Variants in ADGRA1 observed in about 807,000 individuals in gnomAD.
ADGRA1 encodes the protein adhesion G protein-coupled receptor A1, also known as G-protein coupled receptor 123.
Under a neutral mutation model 21.3 loss-of-function variants are expected in ADGRA1, and 12 were observed. That is an observed-to-expected ratio of 0.56 (90% CI 0.36 to 0.91). The LOEUF (loss-of-function observed/expected upper bound fraction) is 0.91, where lower values mean the gene tolerates loss of function less well. Ranked by LOEUF, ADGRA1 falls within the 40% of genes least tolerant of loss-of-function variation. The pLI is 0.01. For synonymous variants in ADGRA1, 385 were observed against 368.8 expected (o/e 1.04, Z -0.50); for missense variants, 790 against 805.6 (o/e 0.98, Z 0.23).
chr10:133,121,820 T>C (rs1359502869), intron 5 of ADGRA1, among the ~76,000 whole-genome samples: 3 of 148,098 alleles, frequency 2.0e-5, no homozygotes, highest in Non-Finnish European at 4.5e-5. Flanking sequence ...CTTGTGTGTG[T>C]GCATGCCTGT....
chr10:133,098,941 C>T (rs1393046281), intron 4 of ADGRA1, among the ~76,000 whole-genome samples, 178 bp downstream of exon 4: 3 of 152,272 alleles, frequency 2.0e-5, no homozygotes, highest in Admixed American at 6.5e-5. Context: ...CGTTTGACCC[C>T]AGGGTTGATT....
At chr10:133,102,015 C>T (rs998212801) in intron 4 of ADGRA1, among the ~76,000 whole-genome samples, 2 of 152,248 alleles carry the variant, frequency 1.3e-5, no homozygotes, top group African/African-American at 4.8e-5. Flanking sequence ...CATTTATGTC[C>T]TTTCCAATTA....
At chr10:133,123,182 C>T (rs554337276) in intron 5 of ADGRA1, among the ~76,000 whole-genome samples, 2 of 152,114 alleles carry the variant, frequency 1.3e-5, no homozygotes, top group South Asian at 2.1e-4. Flanking sequence ...TGGCAGGGGC[C>T]CCGCGAGTCC....
chr10:133,127,861 A>AC (rs1852409548), intron 6 of ADGRA1, among the ~76,000 whole-genome samples: 1 of 104,044 alleles, frequency 9.6e-6, no homozygotes, highest in African/African-American at 3.9e-5. Context: ...GGCCCCGCCC[A>AC]CCCAGCTCCA....
intron 2 of ADGRA1, chr10:133,095,703 G>C: frequency 6.3e-7 from 1 of 1,597,946 alleles, no homozygotes; most frequent in Non-Finnish European, 8.5e-7. Flanking sequence ...CCTCGTCTTG[G>C]CTGGACGGAC....
chr10:133,092,535 C>T (rs1337595077), intron 2 of ADGRA1, among the ~76,000 whole-genome samples: 1 of 152,152 alleles, frequency 6.6e-6, no homozygotes, highest in East Asian at 1.9e-4. Context: ...CCTCTACCTT[C>T]CACCTTTCCC....
At chr10:133,116,819 C>G (rs1274424872) in intron 5 of ADGRA1, among the ~76,000 whole-genome samples, 2 of 152,116 alleles carry the variant, frequency 1.3e-5, no homozygotes, top group Admixed American at 1.3e-4. Context: ...CCGAGTCAGG[C>G]AAGGGGTGGG....
chr10:133,111,660 A>T (rs376577652), intron 5 of ADGRA1, among the ~76,000 whole-genome samples: 26 of 6,742 alleles, frequency 3.9e-3, no homozygotes, highest in Non-Finnish European at 3.7e-3. Context: ...TCCTAATCCC[A>T]CCAGACAACC....
rs552224810 is a variant in ADGRA1 at position 133,099,396 on chromosome 10, G to A, written c.255+633G>A. 1.1e-4 allele frequency among the ~76,000 whole-genome samples: 17 copies of A among 152,290 alleles called. No individual in the cohort carries two copies. In the South Asian group the frequency reaches 2.3e-3, roughly 20 times the overall value. Reference sequence around the variant, plus strand: ...CCTGAGTCACCAGGAGGGCAAGCTCGTCCTTTGCACAGACCCCCCAACCCC... The same window carrying A: ...CCTGAGTCACCAGGAGGGCAAGCTCATCCTTTGCACAGACCCCCCAACCCC... On this transcript the variant is annotated intron_variant, in intron 4 of 6. Coordinates refer to ENST00000392607, the MANE Select transcript of ADGRA1 (RefSeq NM_001083909.3).
intron 2 of ADGRA1, among the ~76,000 whole-genome samples, chr10:133,095,423 C>T (rs563842004): frequency 1.7e-4 from 26 of 152,194 alleles, no homozygotes; most frequent in Non-Finnish European, 3.7e-4. Context: ...AAGAAATGGG[C>T]AGATTCTAAA....
chr10:133,104,887 CTG>C (rs1419497431), intron 5 of ADGRA1, among the ~76,000 whole-genome samples: 1 of 152,148 alleles, frequency 6.6e-6, no homozygotes, highest in Non-Finnish European at 1.5e-5. Context: ...TGCTGGGAGA[CTG>C]GGCTGCACCT....
Position 133,088,100 on chromosome 10 carries a change from G to T in ADGRA1, c.-241G>T. The stretch of plus-strand genomic sequence containing the variant: ...GCGCAGCGCGTCTGTCTCCGGGAGC[G>T]CGGCCCGGCCGCCCCGGCAGCCGCT... On this transcript the variant is annotated 5_prime_UTR_variant, in exon 1 of 7. Coordinates refer to ENST00000392607, the MANE Select transcript of ADGRA1 (RefSeq NM_001083909.3). 1 of 985,188 alleles carries T rather than the reference G, an allele frequency of 1.0e-6. No homozygotes were observed. The highest frequency in any genetic ancestry group is 1.2e-6 in the Non-Finnish European group (1 of 829,834). The allele number at this position is 985,188 out of a possible 1,614,324, so 61.0% of individuals were successfully genotyped here.
intron 1 of ADGRA1, 102 bp downstream of exon 1, chr10:133,088,240 G>A: frequency 2.3e-6 from 1 of 438,834 alleles, no homozygotes; most frequent in Non-Finnish European, 3.0e-6. Context: ...GAGGAAAGCA[G>A]CTCCGAGTAA....
At chr10:133,104,618 C>T (rs1453533440) in intron 5 of ADGRA1, among the ~76,000 whole-genome samples, 1 of 152,224 alleles carries the variant, frequency 6.6e-6, no homozygotes, top group Non-Finnish European at 1.5e-5. Flanking sequence ...CCCCTGCCCT[C>T]TGGGCCCCCT....
intron 6 of ADGRA1, among the ~76,000 whole-genome samples, 157 bp downstream of exon 6, chr10:133,127,488 AC>A (rs1174654464): frequency 6.6e-6 from 1 of 151,430 alleles, no homozygotes; most frequent in East Asian, 2.0e-4. Flanking sequence ...CCCAGCTCGC[AC>A]CCCCGAGGAG....
At chr10:133,099,978 C>A (rs1035300541) in intron 4 of ADGRA1, among the ~76,000 whole-genome samples, 3 of 152,260 alleles carry the variant, frequency 2.0e-5, no homozygotes, top group African/African-American at 7.2e-5. Flanking sequence ...CAGACTCCCC[C>A]ACAGGCTCCC....
chr10:133,123,449 G>A (rs1487498465), intron 5 of ADGRA1, among the ~76,000 whole-genome samples: 4 of 152,118 alleles, frequency 2.6e-5, no homozygotes, highest in Admixed American at 6.5e-5. Context: ...TAAGGTACCC[G>A]TCCTCATGCC....
At chr10:133,100,911 G>A (rs893638132) in intron 4 of ADGRA1, among the ~76,000 whole-genome samples, 15 of 152,358 alleles carry the variant, frequency 9.8e-5, no homozygotes, top group African/African-American at 3.6e-4. Context: ...GGCTCGGGAA[G>A]CGGAGGCAGG....
chr10:133,100,169 G>T (rs9419101), intron 4 of ADGRA1, among the ~76,000 whole-genome samples: 1 of 152,106 alleles, frequency 6.6e-6, no homozygotes, highest in African/African-American at 2.4e-5. Context: ...CCGTGCCCCC[G>T]GCCTGGGCCT....
Sources: allele counts gnomAD v4.1 joint callset (sites outside exome capture counted in the v4.1 genomes callset), GRCh38; gene constraint gnomAD v4.1.1; transcripts MANE v1.5; gene names NCBI Gene and HGNC (gene_info 2026-07-23, HGNC 2026-07-21).